Variants in MGLL observed in about 807,000 individuals in gnomAD.
MGLL encodes the protein monoglyceride lipase, also known as lysophospholipase homolog.
MGLL carries 7 observed loss-of-function variants against 29.1 expected under a neutral mutation model. The observed-to-expected ratio is 0.24, with a 90% confidence interval of 0.14 to 0.45. MGLL has a LOEUF of 0.45. MGLL is among the 20% of genes least tolerant of loss of function. The pLI, the probability that MGLL is intolerant of heterozygous loss-of-function variation, is 0.99. For synonymous variants in MGLL, 148 were observed against 168.3 expected, an observed-to-expected ratio of 0.88 and a Z score of 0.93; for missense variants, 356 against 413.6, an observed-to-expected ratio of 0.86 and a Z score of 1.21.
At chr3:127,719,140 G>A (rs2075872525) in intron 5 of MGLL, among the ~76,000 whole-genome samples, 1 of 152,226 alleles carries the variant, frequency 6.6e-6, no homozygotes. Context: ...ACAAGTCTTT[G>A]AAAGGTCACA....
intron 5 of MGLL, chr3:127,715,357 T>G (rs1180098169): frequency 3.4e-6 from 1 of 295,116 alleles, no homozygotes; most frequent in Non-Finnish European, 6.6e-6. Flanking sequence ...TAAACCTGCA[T>G]AGTAAGTTCC....
chr3:127,790,601 C>T (rs879223515), intron 2 of MGLL, among the ~76,000 whole-genome samples: 18 of 152,164 alleles, frequency 1.2e-4, no homozygotes, highest in Admixed American at 7.9e-4. Flanking sequence ...TTCCTTCCTT[C>T]GTCCGTAAGG....
At chr3:127,729,040 C>T (rs545548948) in intron 3 of MGLL, among the ~76,000 whole-genome samples, 326 of 152,046 alleles carry the variant, frequency 2.1e-3, no homozygotes, top group African/African-American at 7.3e-3. Context: ...CTCTTCTTAA[C>T]ATTTAGGAGC....
intron 4 of MGLL, among the ~76,000 whole-genome samples, chr3:127,721,466 C>G (rs1286915045): frequency 2.8e-5 from 4 of 143,178 alleles, no homozygotes; most frequent in African/African-American, 1.0e-4. Flanking sequence ...CCAAAGCTGG[C>G]AAAACCCCAA....
intron 3 of MGLL, among the ~76,000 whole-genome samples, chr3:127,746,378 C>G (rs996311950): frequency 6.6e-6 from 1 of 152,128 alleles, no homozygotes; most frequent in Non-Finnish European, 1.5e-5. Context: ...GTCCTGGGCT[C>G]ACAGATCCAC....
Position 127,784,187 on chromosome 3 carries a change from A to C in MGLL, c.156-2292T>G, listed in dbSNP as rs192766700. 3.9e-4 allele frequency among the ~76,000 whole-genome samples: 59 copies of C among 152,292 alleles called. No individual in the cohort carries two copies. In the South Asian group the frequency reaches 4.8e-3, roughly 12 times the overall value. On this transcript the variant is annotated intron_variant, in intron 2 of 7. Coordinates refer to ENST00000265052, the MANE Select transcript of MGLL (RefSeq NM_007283.7). ...AACAAGTGGTCTCTTACTCTACAGC[A>C]ATTCCTTCTAATCCAGAGGTTCTCA... is the stretch of plus-strand genomic sequence containing the variant.
At chr3:127,782,628 T>A (rs1033477074) in intron 2 of MGLL, among the ~76,000 whole-genome samples, 1 of 152,092 alleles carries the variant, frequency 6.6e-6, no homozygotes, top group African/African-American at 2.4e-5. Flanking sequence ...TTCCAAACTA[T>A]CCAATTTTCA....
At chr3:127,734,055 G>C (rs1196848334) in intron 3 of MGLL, among the ~76,000 whole-genome samples, 3 of 152,248 alleles carry the variant, frequency 2.0e-5, no homozygotes, top group African/African-American at 4.8e-5. Flanking sequence ...AGAAAACCCT[G>C]CTGGAGCCTT....
At chr3:127,822,522 C>A, upstream of MGLL, 1 of 607,840 alleles carries the variant, frequency 1.6e-6, no homozygotes, top group East Asian at 2.8e-5. Context: ...CTCCGGGGCT[C>A]CCCTCCCTCC....
chr3:127,817,883 G>A (rs182020177), intron 2 of MGLL, among the ~76,000 whole-genome samples: 8 of 152,348 alleles, frequency 5.3e-5, no homozygotes, highest in East Asian at 1.9e-4. Context: ...CCCACAAAGC[G>A]GCTTGCCCCC....
At chr3:127,711,728 C>CT (rs34968677) in intron 5 of MGLL, 6,947 of 137,526 alleles carry the variant, frequency 0.051, 212 homozygotes, top group Non-Finnish European at 0.064. Context: ...GTTTCCCTAT[C>CT]TTTTTTTTTT....
intron 3 of MGLL, among the ~76,000 whole-genome samples, chr3:127,724,354 T>G (rs1220548931): frequency 6.6e-6 from 1 of 152,242 alleles, no homozygotes; most frequent in Non-Finnish European, 1.5e-5. Context: ...TAGCACAGTG[T>G]CTTCAAGGTG....
chr3:127,718,204 TG>T (rs35492059), intron 5 of MGLL, among the ~76,000 whole-genome samples: 26 of 152,278 alleles, frequency 1.7e-4, no homozygotes, highest in Admixed American at 1.7e-3. Context: ...ACTCACAGAC[TG>T]GGCATCTCAC....
At chr3:127,782,152 G>T (rs1246108624) in intron 2 of MGLL, among the ~76,000 whole-genome samples, 1 of 152,106 alleles carries the variant, frequency 6.6e-6, no homozygotes, top group Non-Finnish European at 1.5e-5. Context: ...AACCCAGGAG[G>T]CAGAGATGAC....
At chr3:127,709,452 G>T (rs1056872005) in intron 6 of MGLL, among the ~76,000 whole-genome samples, 2 of 152,142 alleles carry the variant, frequency 1.3e-5, no homozygotes, top group Admixed American at 1.3e-4. Flanking sequence ...GATCTAGAAA[G>T]TCTCTTTCCT....
At chr3:127,808,721 C>T (rs2077610525) in intron 2 of MGLL, among the ~76,000 whole-genome samples, 1 of 152,216 alleles carries the variant, frequency 6.6e-6, no homozygotes. Flanking sequence ...CCACTATTCT[C>T]CAACATCAGC....
intron 2 of MGLL, among the ~76,000 whole-genome samples, chr3:127,806,626 T>A (rs1576313722): frequency 6.6e-6 from 1 of 151,588 alleles, no homozygotes; most frequent in Non-Finnish European, 1.5e-5. Flanking sequence ...TATGGGTGGG[T>A]GGATAGATGG....
chr3:127,775,353 T>C (rs1481800473), intron 3 of MGLL, among the ~76,000 whole-genome samples: 2 of 152,204 alleles, frequency 1.3e-5, no homozygotes, highest in African/African-American at 4.8e-5. Flanking sequence ...ATATATTACT[T>C]ACAAGAAATA....
chr3:127,784,483 G>A (rs1206382685), intron 2 of MGLL, among the ~76,000 whole-genome samples: 1 of 152,144 alleles, frequency 6.6e-6, no homozygotes, highest in African/African-American at 2.4e-5. Context: ...AATCTCCCTG[G>A]GGGGTATGCT....
Sources: gnomAD v4.1 joint callset for allele counts (sites outside exome capture counted in the v4.1 genomes callset) on GRCh38, gnomAD v4.1.1 for gene constraint, MANE v1.5 for transcripts, NCBI Gene and HGNC (gene_info 2026-07-23, HGNC 2026-07-21) for gene names.